The following CDON variants were observed in gnomAD, a reference collection of about 807,000 sequenced individuals.
The protein encoded by CDON is cell adhesion associated, oncogene regulated.
A neutral mutation model predicts 120.9 loss-of-function variants in CDON; 73 were observed. The observed-to-expected ratio is 0.60, with a 90% CI of 0.50 to 0.73. The LOEUF (loss-of-function observed/expected upper bound fraction) is 0.73, where lower values mean the gene tolerates loss of function less well. Ranked by LOEUF, CDON falls within the 30% of genes least tolerant of loss-of-function variation. The pLI is 0.00. For missense variants in CDON, 1,470 were observed against 1,587.3 expected, an observed-to-expected ratio of 0.93 and a Z score of 1.26; for synonymous variants, 566 against 573.5, an observed-to-expected ratio of 0.99 and a Z score of 0.19.
At position 126,010,330 on chromosome 11, in the gene CDON, T is replaced by C; in HGVS notation, c.1552+11A>G. On this transcript the variant is annotated intron_variant, in intron 8 of 19. Transcript: ENST00000531738. ...TTACTCAACTAAAAATAAATAATAATGGCAACTCACCAACCATGAGAGATG... is the reference window on the plus strand; with the variant it reads ...TTACTCAACTAAAAATAAATAATAACGGCAACTCACCAACCATGAGAGATG... The C allele has an allele frequency of 1.3e-6, 2 of 1,547,830 alleles. No individual in the cohort carries two copies.
In CDON at chr11:126,057,911, T is replaced by C. The variant is rs150816384; in HGVS notation, c.-62+4668A>G. The stretch of plus-strand genomic sequence containing the variant: ...TTACTATATGCCAAGTGCTTGACTT[T>C]CATTATCTCATTTAATCCCACAACA... On this transcript the variant is annotated intron_variant, in intron 1 of 19. Transcript: ENST00000531738. Among the ~76,000 whole-genome samples, 11 of 152,344 alleles carry C rather than the reference T, an allele frequency of 7.2e-5. No individual in the cohort carries two copies. In the East Asian group the frequency reaches 2.1e-3, roughly 29 times the overall value.
intron 1 of CDON, among the ~76,000 whole-genome samples, chr11:126,036,694 A>G (rs757715960): frequency 1.1e-4 from 16 of 152,080 alleles, no homozygotes; most frequent in Non-Finnish European, 1.9e-4. Context: ...AACTTTACTC[A>G]TGTTGTTTTT....
rs146913685 is a variant in CDON at position 126,004,120 on chromosome 11, A to G, written c.1852-44T>C. 7.2e-5 allele frequency: 114 copies of G among 1,588,688 alleles called. 1 individual carries two copies. In the East Asian group the frequency reaches 2.5e-3, roughly 35 times the overall value. ...ACCAGAAAAGAAAAGCAGGAGATGG[A>G]GGATAGGAAATCTTTCGGTCACATT... On this transcript the variant is annotated intron_variant, in intron 9 of 19. Coordinates refer to ENST00000531738, the MANE Select transcript of CDON (RefSeq NM_001378964.1).
rs1387482938 is a variant in CDON, at chr11:125,960,004, A to T, written c.*938T>A. 1 of 152,224 alleles carries T rather than the reference A, an allele frequency of 6.6e-6. No individual in the cohort carries two copies. Among genetic ancestry groups the T allele is most frequent in the East Asian group, 1.9e-4 (1 of 5,198 alleles). 9.4% of individuals were successfully genotyped at this position (152,224 alleles called of 1,614,324 possible). A position where few individuals can be genotyped will look rare whatever the true frequency, so the allele number is the denominator to read the frequency against. On this transcript the variant is annotated 3_prime_UTR_variant, in exon 20 of 20. Transcript: ENST00000531738. ...CCTTTTCTGCATACTGCCGTAATTC[A>T]TCAAGACCTTACACTCCACCACGTC...
intron 13 of CDON, among the ~76,000 whole-genome samples, 200 bp from the exon 14 acceptor site, chr11:125,994,589 T>C (rs1436498905): frequency 1.3e-5 from 2 of 152,210 alleles, no homozygotes; most frequent in Admixed American, 6.5e-5. Context: ...GCAGTACGTT[T>C]CCCTGGGTTC....
rs1210914090 is a variant in CDON at position 125,959,170 on chromosome 11, T to G, written c.*1772A>C. On this transcript the variant is annotated 3_prime_UTR_variant, in exon 20 of 20. Coordinates refer to ENST00000531738, the MANE Select transcript of CDON (RefSeq NM_001378964.1). ...TGACCCAGCTTAAACAAGCACATTT[T>G]CACTAACAGTTCTATTATAAAATAT... is the stretch of plus-strand genomic sequence containing the variant. The G allele has an allele frequency of 1.3e-5, 2 of 152,190 alleles. No individual in the cohort carries two copies. Among genetic ancestry groups the G allele is most frequent in the African/African-American group, 4.8e-5 (2 of 41,456 alleles). 9.4% of individuals were successfully genotyped at this position (152,190 alleles called of 1,614,324 possible).
chr11:125,997,531 C>A, intron 11 of CDON, 121 bp from the exon 12 acceptor site: 1 of 778,762 alleles, frequency 1.3e-6, no homozygotes, highest in Non-Finnish European at 2.2e-6. Flanking sequence ...AACTTTTTGC[C>A]AGAGTTTATA....
At chr11:125,969,429 A>G (rs1264079538) in intron 18 of CDON, among the ~76,000 whole-genome samples, 1 of 152,258 alleles carries the variant, frequency 6.6e-6, no homozygotes, top group Non-Finnish European at 1.5e-5. Flanking sequence ...AAAACAGGAC[A>G]AATGTCTGCA....
rs527875178 is a variant in CDON at position 126,005,802 on chromosome 11, T to C, written c.1808A>G (p.Asp603Gly). 4.3e-6 allele frequency: 7 copies of C among 1,613,968 alleles called. No individual in the cohort carries two copies. In the Admixed American group the frequency reaches 6.7e-5, roughly 15 times the overall value. Residue 603 changes from aspartate (D) to glycine (G), a missense_variant, in exon 9 of 20, where the codon GAT (aspartate) becomes GGT (glycine). Coordinates refer to ENST00000531738, the MANE Select transcript of CDON (RefSeq NM_001378964.1). ...TYNLVWRAGKDGGLPINAYFV... is the reference protein window; with the variant it reads ...TYNLVWRAGKGGGLPINAYFV... ...GTAAGCATTGATGGGCAGCCCACCA[T>C]CCTTGCCTGCCCTCCACACCAGGTT...
intron 1 of CDON, among the ~76,000 whole-genome samples, chr11:126,030,414 C>T (rs540618089): frequency 7.2e-4 from 109 of 152,284 alleles, no homozygotes; most frequent in Non-Finnish European, 1.3e-3. Flanking sequence ...TCTTCCTAGC[C>T]TCCTATTTCA....
chr11:126,060,331 A>T (rs561934949), intron 1 of CDON, among the ~76,000 whole-genome samples: 2 of 152,338 alleles, frequency 1.3e-5, no homozygotes, highest in East Asian at 3.9e-4. Context: ...TACGCAGCTC[A>T]TCTACAGCTC....
At chr11:125,990,988 T>G (rs1946617345) in intron 14 of CDON, among the ~76,000 whole-genome samples, 1 of 152,166 alleles carries the variant, frequency 6.6e-6, no homozygotes, top group African/African-American at 2.4e-5. Flanking sequence ...ATCCAAAGGC[T>G]TTCCAAAAAA....
chr11:125,971,348 A>T (rs1324250828), intron 18 of CDON, among the ~76,000 whole-genome samples: 1 of 151,904 alleles, frequency 6.6e-6, no homozygotes, highest in East Asian at 1.9e-4. Context: ...GCACCACTGC[A>T]CTCCAGCCTG....
intron 3 of CDON, 122 bp downstream of exon 3, chr11:126,021,126 C>G (rs971289663): frequency 1.2e-5 from 12 of 1,017,188 alleles, no homozygotes; most frequent in Admixed American, 2.1e-5. Flanking sequence ...AGAGTCAAGG[C>G]TGAGATAAAA....
chr11:125,975,962 T>C (rs1220461304), intron 18 of CDON, among the ~76,000 whole-genome samples: 3 of 152,200 alleles, frequency 2.0e-5, no homozygotes, highest in Admixed American at 6.5e-5. Flanking sequence ...AGCCCTCATA[T>C]AACTTAACTG....
chr11:126,041,893 AT>A (rs544642990), intron 1 of CDON, among the ~76,000 whole-genome samples: 2 of 151,870 alleles, frequency 1.3e-5, no homozygotes, highest in African/African-American at 4.8e-5. Flanking sequence ...TTGCTGATTT[AT>A]TTTTTTTGAG....
chr11:126,051,760 G>A (rs1948565029), intron 1 of CDON, among the ~76,000 whole-genome samples: 1 of 149,822 alleles, frequency 6.7e-6, no homozygotes, highest in Non-Finnish European at 1.5e-5. Context: ...CGATTCTCCT[G>A]CCTCAGCCTC....
chr11:125,976,544 G>GTT (rs142888223), intron 18 of CDON, among the ~76,000 whole-genome samples: 34,057 of 150,876 alleles, frequency 0.23, 4,285 homozygotes, highest in South Asian at 0.3. Flanking sequence ...TTGTCTTAAA[G>GTT]GAAAAAAAAA....
chr11:126,010,214 T>C (rs1947251097), intron 8 of CDON, 127 bp downstream of exon 8: 3 of 727,776 alleles, frequency 4.1e-6, no homozygotes, highest in Non-Finnish European at 6.8e-6. Context: ...AGTTCTACAT[T>C]TCACTGTCAT....
Sources: gnomAD v4.1 joint callset for allele counts (sites outside exome capture counted in the v4.1 genomes callset) on GRCh38, gnomAD v4.1.1 for gene constraint, MANE v1.5 for transcripts, NCBI Gene and HGNC (gene_info 2026-07-23, HGNC 2026-07-21) for gene names.